TMEM268: variants seen among roughly 807,000 people sequenced by gnomAD.
TMEM268 encodes transmembrane protein 268.
Under a neutral mutation model 39.1 loss-of-function variants are expected in TMEM268, and 24 were observed. The observed-to-expected ratio is 0.61, with a 90% CI of 0.44 to 0.86. The LOEUF (loss-of-function observed/expected upper bound fraction) is 0.86. TMEM268 is among the 40% of genes least tolerant of loss of function. The pLI, the probability that TMEM268 is intolerant of heterozygous loss-of-function variation, is 0.00. For missense variants in TMEM268, 409 were observed against 428.6 expected, an observed-to-expected ratio of 0.95 and a Z score of 0.40; for synonymous variants, 176 against 173.5, an observed-to-expected ratio of 1.01 and a Z score of -0.12.
the TMEM268 span, among the ~76,000 whole-genome samples, chr9:114,605,177 GTTCC>G: frequency 3.3e-5 from 5 of 152,206 alleles, no homozygotes; most frequent in Admixed American, 2.0e-4. Context: ...AGTCTTGCGT[GTTCC>G]TTGTTTTTCC....
intron 5 of TMEM268, among the ~76,000 whole-genome samples, chr9:114,633,464 G>A (rs2004734): frequency 7.8e-4 from 119 of 151,808 alleles, no homozygotes; most frequent in African/African-American, 2.6e-3. Context: ...CTGGCCCCAC[G>A]TAGTTAATTT....
intron 1 of TMEM268, among the ~76,000 whole-genome samples, chr9:114,616,449 T>G (rs989277737): frequency 6.6e-6 from 1 of 152,182 alleles, no homozygotes; most frequent in African/African-American, 2.4e-5. Flanking sequence ...CACTGCAACC[T>G]CTGCCTTCTG....
chr9:114,641,175 C>T (rs1827318099), intron 8 of TMEM268, among the ~76,000 whole-genome samples: 2 of 152,126 alleles, frequency 1.3e-5, no homozygotes, highest in Admixed American at 1.3e-4. Context: ...CGCGCCCGGC[C>T]TCTATTAGTC....
At position 114,624,401 on chromosome 9, in the gene TMEM268, C is replaced by T. The variant is rs1188434265; in HGVS notation, c.158C>T (p.Ala53Val). Residue 53 changes from alanine (A) to valine (V), a missense_variant, in exon 3 of 9, where the codon GCA (alanine) becomes GTA (valine). Coordinates refer to ENST00000288502, the MANE Select transcript of TMEM268 (RefSeq NM_153045.4). ...GTTCTCCGGATTGACAATACCTGTGCACCCATCTCCTTCGACCTGGGAGCC... is the reference window on the plus strand; with the variant it reads ...GTTCTCCGGATTGACAATACCTGTGTACCCATCTCCTTCGACCTGGGAGCC... ...LTVLRIDNTC[A>V]PISFDLGAAE... The T allele has an allele frequency of 1.2e-6, 2 of 1,603,028 alleles. No homozygotes were observed. Among genetic ancestry groups the T allele is most frequent in the African/African-American group, 1.3e-5 (1 of 74,936 alleles).
intron 5 of TMEM268, among the ~76,000 whole-genome samples, 160 bp from the exon 6 acceptor site, chr9:114,633,608 C>T (rs1467954135): frequency 6.6e-6 from 1 of 151,758 alleles, no homozygotes; most frequent in Non-Finnish European, 1.5e-5. Flanking sequence ...GTGACTGCCT[C>T]CACCCCCGAC....
At chr9:114,640,719 T>C (rs1340214785) in intron 8 of TMEM268, among the ~76,000 whole-genome samples, 1 of 152,220 alleles carries the variant, frequency 6.6e-6, no homozygotes. Context: ...TGAAGTGTTT[T>C]ATATTTTCTA....
At chr9:114,613,991 G>A (rs1564282742) in intron 1 of TMEM268, among the ~76,000 whole-genome samples, 1 of 152,156 alleles carries the variant, frequency 6.6e-6, no homozygotes, top group Non-Finnish European at 1.5e-5. Flanking sequence ...GAGGAAAGGG[G>A]CCTGTCTGGT....
chr9:114,619,604 C>T (rs79829972), intron 2 of TMEM268, among the ~76,000 whole-genome samples: 1,852 of 152,264 alleles, frequency 0.012, 67 homozygotes, highest in East Asian at 0.099. Context: ...TTGCTGTGGA[C>T]TGGAGAGCTG....
At chr9:114,610,950 G>C (rs1165658549), upstream of TMEM268, among the ~76,000 whole-genome samples, 1 of 152,166 alleles carries the variant, frequency 6.6e-6, no homozygotes, top group Non-Finnish European at 1.5e-5. Context: ...GGCCAGGTGC[G>C]GTGGCTCACG....
intron 3 of TMEM268, among the ~76,000 whole-genome samples, chr9:114,625,256 T>C (rs1846108588): frequency 6.6e-6 from 1 of 152,188 alleles, no homozygotes; most frequent in African/African-American, 2.4e-5. Context: ...TAGTAAATGC[T>C]CAATACATTG....
chr9:114,617,095 C>CT, intron 1 of TMEM268, 23 bp from the exon 2 acceptor site: 2 of 786,558 alleles, frequency 2.5e-6, no homozygotes, highest in South Asian at 1.8e-5. Context: ...GCCTGAAGTT[C>CT]TTTTTTGTGC....
intron 7 of TMEM268, among the ~76,000 whole-genome samples, chr9:114,637,480 G>C (rs575231279): frequency 2.6e-5 from 4 of 151,892 alleles, no homozygotes; most frequent in African/African-American, 9.7e-5. Flanking sequence ...TTTTAGTAGA[G>C]ACGGGGTTTC....
At chr9:114,604,137 T>C in the TMEM268 span, among the ~76,000 whole-genome samples, 1 of 152,128 alleles carries the variant, frequency 6.6e-6, no homozygotes, top group Non-Finnish European at 1.5e-5. Flanking sequence ...AACCACGGTG[T>C]GTACTGAGTA....
In TMEM268 at chr9:114,636,416, C is replaced by T. The variant is rs1025817284; in HGVS notation, c.586-574C>T. On this transcript the variant is annotated intron_variant, in intron 6 of 8. Coordinates refer to ENST00000288502, the MANE Select transcript of TMEM268 (RefSeq NM_153045.4). ...TGGACAGGTGATGTCCAGGAGGGTT[C>T]GGAGTCTGTCTGGGATGCTCAGCAG... Among the ~76,000 whole-genome samples the T allele has an allele frequency of 3.9e-5, 6 of 152,122 alleles. No individual in the cohort carries two copies. The East Asian group carries it at 7.7e-4, about 20-fold the overall frequency.
chr9:114,623,823 G>T (rs187089914), intron 2 of TMEM268, among the ~76,000 whole-genome samples: 1 of 152,210 alleles, frequency 6.6e-6, no homozygotes, highest in Admixed American at 6.5e-5. Context: ...ATGGAAGGCA[G>T]TATATTTGCA....
chr9:114,632,453 G>A (rs996160757), intron 5 of TMEM268, among the ~76,000 whole-genome samples: 3 of 152,140 alleles, frequency 2.0e-5, no homozygotes, highest in Non-Finnish European at 2.9e-5. Flanking sequence ...TTCTAACTGA[G>A]TCTGAAAGTC....
chr9:114,608,466 G>A (rs1033196653), upstream of TMEM268, among the ~76,000 whole-genome samples: 1 of 152,174 alleles, frequency 6.6e-6, no homozygotes, highest in African/African-American at 2.4e-5. Context: ...CTAAGTTCAC[G>A]CTGGAGTGAC....
At chr9:114,613,948 G>GT (rs1204838379) in intron 1 of TMEM268, among the ~76,000 whole-genome samples, 8 of 152,124 alleles carry the variant, frequency 5.3e-5, no homozygotes, top group South Asian at 2.1e-4. Flanking sequence ...TTGACCTGCG[G>GT]TTTTTTCTCC....
At chr9:114,626,679 T>C (rs1846174420) in intron 3 of TMEM268, among the ~76,000 whole-genome samples, 1 of 152,212 alleles carries the variant, frequency 6.6e-6, no homozygotes, top group Non-Finnish European at 1.5e-5. Flanking sequence ...TGCAAGGTAC[T>C]GAGTCTGAGG....
Sources: allele counts gnomAD v4.1 joint callset (sites outside exome capture counted in the v4.1 genomes callset), GRCh38; gene constraint gnomAD v4.1.1; transcripts MANE v1.5; gene names NCBI Gene and HGNC (gene_info 2026-07-23, HGNC 2026-07-21).